PDE11A: variants seen among roughly 807,000 people sequenced by gnomAD.
PDE11A encodes dual 3',5'-cyclic-AMP and -GMP phosphodiesterase 11A.
A neutral mutation model predicts 100.5 loss-of-function variants in PDE11A; 100 were observed. That is an observed-to-expected ratio of 1.00 (90% CI 0.85 to 1.18). The LOEUF (loss-of-function observed/expected upper bound fraction) is 1.18. Among genes scored for constraint, PDE11A ranks in the 50% most tolerant of loss-of-function variants. PDE11A has a pLI of 0.00. For missense variants in PDE11A, 1,141 were observed against 1,152.6 expected, an observed-to-expected ratio of 0.99 and a Z score of 0.15; for synonymous variants, 381 against 420.8, an observed-to-expected ratio of 0.91 and a Z score of 1.16.
At chr2:178,046,570 T>A (rs1419063067) in intron 1 of PDE11A, among the ~76,000 whole-genome samples, 3 of 152,190 alleles carry the variant, frequency 2.0e-5, no homozygotes, top group Non-Finnish European at 4.4e-5. Context: ...AACTTCAGAA[T>A]AATAGTCATT....
chr2:177,808,719 G>A (rs998449022), intron 9 of PDE11A, among the ~76,000 whole-genome samples: 1 of 152,142 alleles, frequency 6.6e-6, no homozygotes, highest in African/African-American at 2.4e-5. Flanking sequence ...CTAAAGGTTA[G>A]TGGACAGAAG....
intron 2 of PDE11A, among the ~76,000 whole-genome samples, chr2:178,089,295 G>A (rs1480216849): frequency 6.6e-6 from 1 of 152,210 alleles, no homozygotes; most frequent in South Asian, 2.1e-4. Flanking sequence ...TTAAAGACAG[G>A]AAGAAAGATG....
upstream of PDE11A, chr2:178,072,880 G>C: frequency 8.8e-7 from 1 of 1,135,834 alleles, no homozygotes; most frequent in Non-Finnish European, 1.1e-6. Flanking sequence ...GCGGACGCCA[G>C]ACCAGCCAAA....
chr2:178,037,232 C>T (rs2086625493), intron 1 of PDE11A, among the ~76,000 whole-genome samples: 1 of 152,142 alleles, frequency 6.6e-6, no homozygotes, highest in Admixed American at 6.5e-5. Context: ...AGATACTTCT[C>T]AAAAGAAGAC....
At chr2:177,971,702 A>C (rs1475511027) in intron 2 of PDE11A, among the ~76,000 whole-genome samples, 2 of 152,146 alleles carry the variant, frequency 1.3e-5, no homozygotes, top group African/African-American at 4.8e-5. Context: ...ATTTATAATA[A>C]GTCCCGTTAT....
chr2:177,972,248 G>A (rs1384158157), intron 2 of PDE11A, among the ~76,000 whole-genome samples: 1 of 152,214 alleles, frequency 6.6e-6, no homozygotes, highest in East Asian at 1.9e-4. Context: ...ATGCAGGAAA[G>A]AGAAGCCTGA....
exon 2 of PDE11A, chr2:178,104,421 T>C (rs750970860): frequency 6.2e-7 from 1 of 1,614,050 alleles, no homozygotes; most frequent in South Asian, 1.1e-5. Flanking sequence ...TGTGTGGCAC[T>C]GAGCACATTT....
At chr2:177,840,731 T>C (rs1160957592) in intron 5 of PDE11A, among the ~76,000 whole-genome samples, 1 of 152,184 alleles carries the variant, frequency 6.6e-6, no homozygotes, top group South Asian at 2.1e-4. Flanking sequence ...CAGCTTGCCC[T>C]TTTTAATTGA....
intron 2 of PDE11A, among the ~76,000 whole-genome samples, chr2:178,009,809 G>A (rs1258896000): frequency 6.6e-6 from 1 of 152,092 alleles, no homozygotes; most frequent in Admixed American, 6.5e-5. Flanking sequence ...ATTTATCTCA[G>A]TCAAATGATT....
chr2:178,068,209 G>A (rs2087074373), intron 1 of PDE11A, among the ~76,000 whole-genome samples: 1 of 151,722 alleles, frequency 6.6e-6, no homozygotes, highest in Non-Finnish European at 1.5e-5. Flanking sequence ...CTATGATCTG[G>A]ACTGGATACC....
At chr2:177,647,425 G>A (rs558591192) in intron 19 of PDE11A, among the ~76,000 whole-genome samples, 5 of 152,210 alleles carry the variant, frequency 3.3e-5, no homozygotes, top group African/African-American at 9.6e-5. Context: ...GTCACTATAG[G>A]ACCTCAAAGA....
chr2:177,707,542 C>T (rs1316194720), intron 13 of PDE11A, among the ~76,000 whole-genome samples: 1 of 152,162 alleles, frequency 6.6e-6, no homozygotes, highest in African/African-American at 2.4e-5. Flanking sequence ...ATATCAGCTC[C>T]ATCCTTCTCT....
chr2:177,833,330 A>G (rs911668007), intron 6 of PDE11A, among the ~76,000 whole-genome samples: 2 of 152,242 alleles, frequency 1.3e-5, no homozygotes, highest in African/African-American at 4.8e-5. Context: ...TGATATGTCC[A>G]AGACTCCTCA....
At chr2:177,984,394 T>G (rs961134508) in intron 2 of PDE11A, among the ~76,000 whole-genome samples, 2 of 152,214 alleles carry the variant, frequency 1.3e-5, no homozygotes, top group Non-Finnish European at 2.9e-5. Context: ...GGCATACATA[T>G]ACTTTTAACT....
At chr2:177,734,390 T>G (rs1234485654) in intron 10 of PDE11A, among the ~76,000 whole-genome samples, 3 of 152,134 alleles carry the variant, frequency 2.0e-5, no homozygotes, top group African/African-American at 7.2e-5. Context: ...AGCGATGTTA[T>G]GAAAAAGTAA....
chr2:177,697,435 G>T lies in PDE11A; in HGVS notation c.2245-3C>A, dbSNP rs375923206. 1.4e-5 allele frequency: 20 copies of T among 1,429,324 alleles called. No individual in the cohort carries two copies. Among genetic ancestry groups the T allele is most frequent in the Non-Finnish European group, 1.6e-5 (16 of 1,011,800 alleles). The allele number at this position is 1,429,324 out of a possible 1,614,324, so 88.5% of individuals were successfully genotyped here. On this transcript the variant is annotated splice_region_variant and splice_polypyrimidine_tract_variant and intron_variant, in intron 14 of 19. Transcript: ENST00000286063. ...AGGTTAGCAAAGATATTGTGACCCT[G>T]TAATGAGAAAGTAAAAAGTCACAAA...
chr2:177,956,818 C>G (rs1559023068), intron 2 of PDE11A, among the ~76,000 whole-genome samples: 1 of 151,890 alleles, frequency 6.6e-6, no homozygotes, highest in African/African-American at 2.4e-5. Flanking sequence ...GGACAAAAAA[C>G]CAAACACCGC....
chr2:177,785,994 C>T (rs1393456092), intron 9 of PDE11A, among the ~76,000 whole-genome samples: 1 of 152,208 alleles, frequency 6.6e-6, no homozygotes, highest in Middle Eastern at 3.2e-3. Flanking sequence ...GTAACCTCTG[C>T]AGACTTAAAT....
At chr2:177,883,512 T>C (rs905911352) in intron 4 of PDE11A, among the ~76,000 whole-genome samples, 1 of 152,036 alleles carries the variant, frequency 6.6e-6, no homozygotes, top group Admixed American at 6.6e-5. Context: ...TTCACCACAA[T>C]GTATGTCCAA....
Sources: allele counts gnomAD v4.1 joint callset (sites outside exome capture counted in the v4.1 genomes callset), GRCh38; gene constraint gnomAD v4.1.1; transcripts MANE v1.5; gene names NCBI Gene and HGNC (gene_info 2026-07-23, HGNC 2026-07-21).